SGK3: variants seen among roughly 807,000 people sequenced by gnomAD.
SGK3 encodes serine/threonine-protein kinase Sgk3.
Under a neutral mutation model 68.5 loss-of-function variants are expected in SGK3, and 47 were observed. That is an observed-to-expected ratio of 0.69 (90% CI 0.54 to 0.87). The LOEUF is 0.87. SGK3 is among the 40% of genes least tolerant of loss of function. The pLI, the probability that SGK3 is intolerant of heterozygous loss-of-function variation, is 0.00. For synonymous variants in SGK3, 181 were observed against 189.1 expected (o/e 0.96, Z 0.35); for missense variants, 479 against 575.5 (o/e 0.83, Z 1.72).
chr8:66,825,043 T>G (rs552738062), intron 6 of SGK3, among the ~76,000 whole-genome samples: 1 of 152,324 alleles, frequency 6.6e-6, no homozygotes, highest in South Asian at 2.1e-4. Flanking sequence ...ATGTTTTGCT[T>G]GCTACTCATG....
At position 66,803,170 on chromosome 8, in the gene SGK3, T is replaced by G. The variant is rs76447712; in HGVS notation, c.181-1205T>G. The stretch of plus-strand genomic sequence containing the variant: ...TTCTTTTCTTTCCTTTACACATTTT[T>G]TGTGTGTGTGTATGAAAAACAACAA... On this transcript the variant is annotated intron_variant, in intron 3 of 16. Transcript: ENST00000521198. Among the ~76,000 whole-genome samples, 601 of 152,240 alleles carry G rather than the reference T, an allele frequency of 3.9e-3. 1 individual carries two copies. Among genetic ancestry groups the G allele is most frequent in the Non-Finnish European group, 4.7e-3 (321 of 68,018 alleles).
intron 1 of SGK3, chr8:66,767,874 T>A (rs1159635130): frequency 7.5e-7 from 1 of 1,333,960 alleles, no homozygotes; most frequent in Non-Finnish European, 1.1e-6. Context: ...TGCCAAAACA[T>A]GATATTGAAA....
Position 66,831,314 on chromosome 8 carries a change from A to G in SGK3, c.525+3A>G. On this transcript the variant is annotated splice_donor_region_variant and intron_variant, in intron 8 of 16. Transcript: ENST00000521198. ...TTGGAAAAGGCAGCTTTGGCAAGGTAAGAGTGTTTTGTGAGGTTTTTATTT... is the reference window on the plus strand; with the variant it reads ...TTGGAAAAGGCAGCTTTGGCAAGGTGAGAGTGTTTTGTGAGGTTTTTATTT... 6.2e-7 allele frequency: 1 copy of G among 1,613,378 alleles called. No homozygotes were observed.
At chr8:66,834,048 T>C (rs1301307425) in intron 8 of SGK3, among the ~76,000 whole-genome samples, 1 of 151,220 alleles carries the variant, frequency 6.6e-6, no homozygotes, top group Non-Finnish European at 1.5e-5. Flanking sequence ...GCTGAATATA[T>C]GCGTTACCTA....
intron 1 of SGK3, chr8:66,767,759 G>T (rs200739045): frequency 6.3e-7 from 1 of 1,575,516 alleles, no homozygotes. Context: ...GGCTGTTTTT[G>T]TTTGAGGGGT....
intron 12 of SGK3, chr8:66,840,586 A>G (rs1585798281): frequency 8.4e-6 from 2 of 239,342 alleles, no homozygotes; most frequent in African/African-American, 2.2e-5. Flanking sequence ...TATTGTACCA[A>G]TGACAATTTC....
chr8:66,788,061 A>C (rs1057358482), intron 1 of SGK3, among the ~76,000 whole-genome samples: 1 of 152,200 alleles, frequency 6.6e-6, no homozygotes, highest in Non-Finnish European at 1.5e-5. Flanking sequence ...ATGTCCATCC[A>C]TAAACAAGCG....
At chr8:66,737,496 C>T (rs1233459183) in intron 1 of SGK3, 5 of 152,216 alleles carry the variant, frequency 3.3e-5, no homozygotes, top group Non-Finnish European at 7.3e-5. Flanking sequence ...TAGCCTATTG[C>T]CCTTTCTTTG....
chr8:66,779,560 G>GAA (rs1448349585), intron 1 of SGK3, among the ~76,000 whole-genome samples: 1 of 57,624 alleles, frequency 1.7e-5, no homozygotes, highest in African/African-American at 6.3e-5. Context: ...GTATGTGTGT[G>GAA]AATATATATA....
intron 10 of SGK3, among the ~76,000 whole-genome samples, chr8:66,837,559 T>A (rs183632293): frequency 5.9e-5 from 9 of 152,198 alleles, no homozygotes; most frequent in African/African-American, 1.9e-4. Flanking sequence ...TGTGGGTGGA[T>A]CACTGGAGCC....
chr8:66,739,187 C>T lies in SGK3; in HGVS notation c.-122+26354C>T, dbSNP rs183875738. Reference sequence around the variant, plus strand: ...AAGGCTGGGAAGTTCAAGGACATGGCGCTGGATTCTGACAAGAGTTTTCTT... The same window carrying T: ...AAGGCTGGGAAGTTCAAGGACATGGTGCTGGATTCTGACAAGAGTTTTCTT... On this transcript the variant is annotated intron_variant, in intron 1 of 16. Transcript: ENST00000521198. 2.8e-3 allele frequency among the ~76,000 whole-genome samples: 433 copies of T among 152,208 alleles called. 5 individuals are homozygous for T. The highest frequency in any genetic ancestry group is 0.01 in the African/African-American group (419 of 41,532).
intron 1 of SGK3, among the ~76,000 whole-genome samples, chr8:66,763,417 G>A (rs533893732): frequency 2.9e-4 from 44 of 152,050 alleles, no homozygotes; most frequent in Non-Finnish European, 5.7e-4. Flanking sequence ...TATCATACTG[G>A]AAAGTAAGGA....
chr8:66,823,253 C>T (rs1317040913), intron 6 of SGK3, among the ~76,000 whole-genome samples: 7 of 152,134 alleles, frequency 4.6e-5, no homozygotes, highest in Admixed American at 4.6e-4. Flanking sequence ...CATTACATCC[C>T]ACTTACTCTG....
At chr8:66,720,130 A>T (rs180691038) in intron 1 of SGK3, among the ~76,000 whole-genome samples, 3 of 152,388 alleles carry the variant, frequency 2.0e-5, no homozygotes, top group Non-Finnish European at 4.4e-5. Context: ...GGGTGTGTGG[A>T]TAGACTGACA....
intron 1 of SGK3, among the ~76,000 whole-genome samples, chr8:66,771,157 T>C (rs1806498059): frequency 6.6e-6 from 1 of 152,188 alleles, no homozygotes; most frequent in African/African-American, 2.4e-5. Flanking sequence ...TCACTTCACA[T>C]TTTGAGGAGA....
chr8:66,778,045 C>G (rs1313284956), intron 1 of SGK3: 1 of 152,258 alleles, frequency 6.6e-6, no homozygotes, highest in Non-Finnish European at 1.5e-5. Context: ...ATTCTGCAAA[C>G]CCCCCCTCAC....
At chr8:66,842,358 C>G (rs1809832669) in intron 13 of SGK3, among the ~76,000 whole-genome samples, 1 of 151,822 alleles carries the variant, frequency 6.6e-6, no homozygotes, top group South Asian at 2.1e-4. Context: ...GTAGCTGGGA[C>G]TACAGGCGCC....
chr8:66,731,945 CA>C (rs1426839549), intron 1 of SGK3, among the ~76,000 whole-genome samples: 2 of 152,026 alleles, frequency 1.3e-5, no homozygotes, highest in Non-Finnish European at 2.9e-5. Context: ...ATATTTTTTT[CA>C]AACATTATTG....
intron 15 of SGK3, among the ~76,000 whole-genome samples, chr8:66,850,538 C>T (rs1166877525): frequency 1.3e-5 from 2 of 152,298 alleles, no homozygotes; most frequent in East Asian, 3.9e-4. Context: ...ATCCTTAAAA[C>T]ATACTTCCCC....
Sources: gnomAD v4.1 joint callset for allele counts (sites outside exome capture counted in the v4.1 genomes callset) on GRCh38, gnomAD v4.1.1 for gene constraint, MANE v1.5 for transcripts, NCBI Gene and HGNC (gene_info 2026-07-23, HGNC 2026-07-21) for gene names.